TNFRSF11A: variants seen among roughly 807,000 people sequenced by gnomAD.
TNFRSF11A encodes the protein tumor necrosis factor receptor superfamily member 11A.
TNFRSF11A carries 32 observed loss-of-function variants against 55.7 expected under a neutral mutation model. The observed-to-expected ratio is 0.57, with a 90% confidence interval of 0.43 to 0.77. The LOEUF is 0.77. TNFRSF11A is among the 30% of genes least tolerant of loss of function. The probability of loss-of-function intolerance (pLI) is 0.00; values close to 1 mark genes in which losing one functional copy is unlikely to be tolerated. For synonymous variants in TNFRSF11A, 311 were observed against 331.0 expected (o/e 0.94, Z 0.65); for missense variants, 753 against 809.8 (o/e 0.93, Z 0.85).
intron 9 of TNFRSF11A, among the ~76,000 whole-genome samples, chr18:62,375,377 G>A (rs987132430): frequency 2.1e-4 from 32 of 152,154 alleles, no homozygotes; most frequent in African/African-American, 7.2e-4. Context: ...GATTACAGGT[G>A]TGACCCTCTG....
intron 1 of TNFRSF11A, among the ~76,000 whole-genome samples, chr18:62,334,135 G>C (rs551932222): frequency 6.6e-6 from 1 of 152,190 alleles, no homozygotes; most frequent in Admixed American, 6.5e-5. Context: ...CAAAGTGCTG[G>C]GATTGCAGGC....
chr18:62,378,098 C>T (rs952478782), intron 9 of TNFRSF11A: 2 of 152,232 alleles, frequency 1.3e-5, no homozygotes, highest in African/African-American at 4.8e-5. Context: ...CAGCTGCCAA[C>T]ATGGTGACCT....
Position 62,366,705 on chromosome 18 carries a change from T to C in TNFRSF11A, c.731-3T>C. 2.5e-6 allele frequency: 4 copies of C among 1,614,220 alleles called. No individual in the cohort carries two copies. Among genetic ancestry groups the C allele is most frequent in the African/African-American group, 1.3e-5 (1 of 75,068 alleles). On this transcript the variant is annotated splice_polypyrimidine_tract_variant and splice_region_variant and intron_variant, in intron 7 of 9. Coordinates refer to ENST00000586569, the MANE Select transcript of TNFRSF11A (RefSeq NM_003839.4). Reference sequence around the variant, plus strand: ...GTCCTTATCCTTGCTTTGTGTTTTCTAGCTAATTTGTGGCACTGGATCAAT... The same window carrying C: ...GTCCTTATCCTTGCTTTGTGTTTTCCAGCTAATTTGTGGCACTGGATCAAT...
At chr18:62,354,914 C>T (rs79976373) in intron 4 of TNFRSF11A, among the ~76,000 whole-genome samples, 1,572 of 152,232 alleles carry the variant, frequency 0.01, 9 homozygotes, top group Non-Finnish European at 0.016. Flanking sequence ...CCATGCATCC[C>T]CCACCCCAGC....
At chr18:62,360,081 A>G (rs529738940) in intron 6 of TNFRSF11A, 32 bp downstream of exon 6, 1 of 1,594,522 alleles carries the variant, frequency 6.3e-7, no homozygotes, top group South Asian at 1.1e-5. Flanking sequence ...TGGTTGATAG[A>G]TGTGCCCCAG....
intron 1 of TNFRSF11A, among the ~76,000 whole-genome samples, chr18:62,332,088 A>T (rs2046163522): frequency 6.6e-6 from 1 of 152,212 alleles, no homozygotes; most frequent in African/African-American, 2.4e-5. Context: ...ATGAAAAATG[A>T]GGAAGAAAAA....
chr18:62,347,861 G>A (rs772644407), intron 1 of TNFRSF11A, among the ~76,000 whole-genome samples: 5 of 150,962 alleles, frequency 3.3e-5, no homozygotes, highest in African/African-American at 9.8e-5. Context: ...GTGAGGTTGC[G>A]CCATTGCACT....
chr18:62,345,513 C>T (rs866240490), intron 1 of TNFRSF11A, among the ~76,000 whole-genome samples: 16 of 152,160 alleles, frequency 1.1e-4, no homozygotes, highest in African/African-American at 2.6e-4. Flanking sequence ...AATTTTCTGC[C>T]TCACCATAGC....
At chr18:62,353,892 C>G (rs1044134864) in intron 3 of TNFRSF11A, among the ~76,000 whole-genome samples, 1 of 152,190 alleles carries the variant, frequency 6.6e-6, no homozygotes, top group African/African-American at 2.4e-5. Context: ...GGGCCTGCCT[C>G]TGTACCCTCT....
chr18:62,368,007 T>C (rs1284561867), intron 8 of TNFRSF11A, among the ~76,000 whole-genome samples: 1 of 152,182 alleles, frequency 6.6e-6, no homozygotes, highest in Non-Finnish European at 1.5e-5. Context: ...TTGCCCAGGC[T>C]GGTCTTGAAC....
At chr18:62,331,739 A>T (rs1228591230) in intron 1 of TNFRSF11A, among the ~76,000 whole-genome samples, 2 of 152,246 alleles carry the variant, frequency 1.3e-5, no homozygotes, top group East Asian at 3.8e-4. Flanking sequence ...AGCAGTGTTT[A>T]TGTTGGACCA....
intron 9 of TNFRSF11A, among the ~76,000 whole-genome samples, chr18:62,379,301 A>G (rs1249936650): frequency 6.6e-6 from 1 of 152,180 alleles, no homozygotes; most frequent in East Asian, 1.9e-4. Context: ...CCCATAGCAC[A>G]CTGATTATTC....
At chr18:62,340,056 G>C (rs924295514) in intron 1 of TNFRSF11A, among the ~76,000 whole-genome samples, 1 of 151,990 alleles carries the variant, frequency 6.6e-6, no homozygotes, top group Non-Finnish European at 1.5e-5. Context: ...TCAGGGGCTG[G>C]CATGGGAAGA....
intron 9 of TNFRSF11A, among the ~76,000 whole-genome samples, chr18:62,372,476 CT>C (rs1173320415): frequency 4.2e-3 from 590 of 138,924 alleles, no homozygotes; most frequent in East Asian, 5.5e-3. Context: ...TTGGGGTGGT[CT>C]TTTTTTTTTT....
At chr18:62,332,775 A>G in intron 1 of TNFRSF11A, among the ~76,000 whole-genome samples, 1 of 152,082 alleles carries the variant, frequency 6.6e-6, no homozygotes, top group Admixed American at 6.5e-5. Context: ...ATTTACTGGC[A>G]AAAAAGCCAA....
At chr18:62,335,768 C>T (rs985233202) in intron 1 of TNFRSF11A, among the ~76,000 whole-genome samples, 9 of 152,294 alleles carry the variant, frequency 5.9e-5, no homozygotes, top group African/African-American at 9.6e-5. Flanking sequence ...TTTCCAAGGG[C>T]GTGCTTGGGA....
chr18:62,332,527 C>T (rs558683892), intron 1 of TNFRSF11A, among the ~76,000 whole-genome samples: 1 of 152,342 alleles, frequency 6.6e-6, no homozygotes, highest in South Asian at 2.1e-4. Flanking sequence ...TTCCTAATAT[C>T]AGGAACTTCC....
At position 62,369,131 on chromosome 18, in the gene TNFRSF11A, C is replaced by A. The variant is rs1160666770; in HGVS notation, c.1214C>A (p.Thr405Asn). Residue 405 changes from threonine to asparagine, a missense_variant, in exon 9 of 10, where the codon ACT becomes AAT. Thr to Asn is a moderately conservative substitution (Grantham distance 65). Around this residue, in one of 3 missense-constraint regions of TNFRSF11A, gnomAD observed 567 missense variants for 596.7 expected, o/e 0.95. Transcript: ENST00000586569. ...STVGSESCNC[T>N]EPLCRTDWTP... The stretch of plus-strand genomic sequence containing the variant: ...GTGGGTTCAGAAAGCTGCAACTGCA[C>A]TGAGCCCCTGTGCAGGACTGATTGG... 6.2e-7 allele frequency: 1 copy of A among 1,613,988 alleles called. No individual in the cohort carries two copies. The highest frequency in any genetic ancestry group is 1.1e-5 in the South Asian group (1 of 91,094).
intron 1 of TNFRSF11A, among the ~76,000 whole-genome samples, chr18:62,334,344 G>A (rs954047578): frequency 9.2e-5 from 14 of 152,246 alleles, no homozygotes; most frequent in African/African-American, 3.4e-4. Context: ...GCACTGGCTC[G>A]TCTATGCCCC....
Sources: allele counts gnomAD v4.1 joint callset (sites outside exome capture counted in the v4.1 genomes callset), GRCh38; gene constraint gnomAD v4.1.1; regional missense constraint gnomAD v4.1.1; transcripts MANE v1.5; gene names NCBI Gene and HGNC (gene_info 2026-07-23, HGNC 2026-07-21).